The following DLG2 variants were observed in gnomAD, a reference collection of about 807,000 sequenced individuals.
DLG2 encodes discs large MAGUK scaffold protein 2, also known as disks large homolog 2.
DLG2 carries 45 observed loss-of-function variants against 132.5 expected under a neutral mutation model. The ratio of observed to expected loss-of-function variants is 0.34; its 90% confidence interval spans 0.27 to 0.44. DLG2 has a LOEUF of 0.44. Among genes scored for constraint, DLG2 ranks in the 20% least tolerant of loss-of-function variants. The pLI is 1.00. For synonymous variants in DLG2, 424 were observed against 419.6 expected (o/e 1.01, Z -0.13); for missense variants, 1,045 against 1,196.9 (o/e 0.87, Z 1.87).
At chr11:84,866,748 T>C (rs931058062) in intron 6 of DLG2, among the ~76,000 whole-genome samples, 3 of 152,196 alleles carry the variant, frequency 2.0e-5, no homozygotes, top group African/African-American at 7.2e-5. Context: ...TTTATTATAA[T>C]CCTATGCGGT....
chr11:83,858,118 G>A (rs1380849280), intron 16 of DLG2, among the ~76,000 whole-genome samples: 1 of 152,098 alleles, frequency 6.6e-6, no homozygotes, highest in Non-Finnish European at 1.5e-5. Context: ...ATGAAGCTGG[G>A]GCACCCCAAA....
intron 17 of DLG2, chr11:83,790,202 T>G (rs1411586522): frequency 1.1e-6 from 1 of 871,472 alleles, no homozygotes; most frequent in Non-Finnish European, 1.9e-6. Context: ...GACTGAATGC[T>G]CAATTAGATC....
intron 6 of DLG2, among the ~76,000 whole-genome samples, chr11:84,591,353 C>G (rs1156332894): frequency 1.4e-5 from 2 of 142,862 alleles, no homozygotes; most frequent in Non-Finnish European, 3.0e-5. Context: ...TTGTTTGTTT[C>G]CCTCAGCACT....
intron 18 of DLG2, among the ~76,000 whole-genome samples, chr11:83,683,506 T>C (rs1434944957): frequency 3.3e-5 from 5 of 152,214 alleles, no homozygotes; most frequent in Non-Finnish European, 5.9e-5. Flanking sequence ...TGATTTACTA[T>C]GGCCTTTAGT....
intron 3 of DLG2, among the ~76,000 whole-genome samples, chr11:85,514,928 T>C (rs1166935793): frequency 6.6e-6 from 1 of 151,962 alleles, no homozygotes; most frequent in Non-Finnish European, 1.5e-5. Context: ...AAATATACTT[T>C]CGTTGTACAT....
intron 7 of DLG2, among the ~76,000 whole-genome samples, chr11:84,522,894 CAAAAG>C (rs950338099): frequency 2.0e-5 from 3 of 152,288 alleles, no homozygotes; most frequent in African/African-American, 7.2e-5. Flanking sequence ...TCACTAGCCT[CAAAAG>C]AAAGCCATTT....
At chr11:84,821,645 C>CAAAAAAAAAACAAAAA (rs2077702786) in intron 6 of DLG2, among the ~76,000 whole-genome samples, 1 of 103,574 alleles carries the variant, frequency 9.7e-6, no homozygotes, top group South Asian at 3.0e-4. Flanking sequence ...AAAAAAACAA[C>CAAAAAAAAAACAAAAA]AACAACAAAA....
Position 84,556,927 on chromosome 11 carries a change from T to C in DLG2, c.358-22196A>G, listed in dbSNP as rs905491717. 2.8e-4 allele frequency among the ~76,000 whole-genome samples: 43 copies of C among 152,170 alleles called. 2 individuals carry two copies. The highest frequency in any genetic ancestry group is 7.3e-5 in the Non-Finnish European group (5 of 68,034). On this transcript the variant is annotated intron_variant, in intron 6 of 27. Transcript: ENST00000376104. ...AGGAATAATGTAACAAACTTCCTCA[T>C]AACTGCCATCCATCTTTAAAAAGTA...
chr11:83,887,333 A>C (rs1200221369), intron 15 of DLG2, among the ~76,000 whole-genome samples: 1 of 152,066 alleles, frequency 6.6e-6, no homozygotes, highest in Non-Finnish European at 1.5e-5. Context: ...CTACGCAAAT[A>C]AACTAGAAAA....
intron 18 of DLG2, among the ~76,000 whole-genome samples, chr11:83,688,290 G>A (rs1465788761): frequency 2.0e-5 from 3 of 152,096 alleles, no homozygotes; most frequent in Admixed American, 2.0e-4. Context: ...TTCTTGAGTT[G>A]CTTTTGACTT....
At chr11:84,906,381 A>AACACACACACACACACACACACACAC (rs35833007) in intron 6 of DLG2, among the ~76,000 whole-genome samples, 4 of 144,204 alleles carry the variant, frequency 2.8e-5, no homozygotes, top group African/African-American at 5.1e-5. Flanking sequence ...CAGCAAGGCT[A>AACACACACACACACACACACACACAC]ACACACACAC....
chr11:84,682,254 T>C (rs986740762), intron 6 of DLG2, among the ~76,000 whole-genome samples: 2 of 152,196 alleles, frequency 1.3e-5, no homozygotes, highest in Non-Finnish European at 2.9e-5. Flanking sequence ...ACATAGTCAC[T>C]GTCTGGCTAT....
intron 7 of DLG2, among the ~76,000 whole-genome samples, chr11:84,255,310 A>G (rs2097450063): frequency 6.6e-6 from 1 of 152,116 alleles, no homozygotes; most frequent in Non-Finnish European, 1.5e-5. Context: ...CTGCCCTGCC[A>G]TATACACCCT....
intron 3 of DLG2, among the ~76,000 whole-genome samples, chr11:85,294,100 T>C (rs1465724900): frequency 6.6e-6 from 1 of 151,920 alleles, no homozygotes; most frequent in Admixed American, 6.6e-5. Context: ...TAAACTGATA[T>C]GCATATATAT....
At chr11:85,598,037 CTTAA>C (rs2079902110) in intron 3 of DLG2, among the ~76,000 whole-genome samples, 1 of 151,368 alleles carries the variant, frequency 6.6e-6, no homozygotes, top group Admixed American at 6.6e-5. Context: ...AAACCATATC[CTTAA>C]TTTTCTTTAC....
intron 3 of DLG2, among the ~76,000 whole-genome samples, chr11:85,448,665 G>A (rs2092112242): frequency 6.6e-6 from 1 of 152,106 alleles, no homozygotes; most frequent in Non-Finnish European, 1.5e-5. Context: ...GAGATTCTAA[G>A]TCACTTTGAC....
intron 14 of DLG2, among the ~76,000 whole-genome samples, chr11:83,961,192 C>G (rs376704299): frequency 1.3e-5 from 2 of 152,030 alleles, no homozygotes; most frequent in African/African-American, 4.8e-5. Flanking sequence ...TTGAGATAGA[C>G]TCACTTTCTA....
chr11:83,583,343 T>A lies in DLG2; in HGVS notation c.1941-41485A>T, dbSNP rs76614772. ...CCCCTCACACATGCTCATGAACATA[T>A]TACCGAAAGCCTGCAAGCCCGGGCA... On this transcript the variant is annotated intron_variant, in intron 19 of 27. Coordinates refer to ENST00000376104, the MANE Select transcript of DLG2 (RefSeq NM_001142699.3). 6.8e-3 allele frequency among the ~76,000 whole-genome samples: 1,034 copies of A among 152,288 alleles called. 13 individuals carry two copies. The highest frequency in any genetic ancestry group is 0.024 in the African/African-American group (994 of 41,566).
intron 19 of DLG2, among the ~76,000 whole-genome samples, chr11:83,546,633 T>G (rs1002895803): frequency 6.6e-6 from 1 of 152,058 alleles, no homozygotes; most frequent in Non-Finnish European, 1.5e-5. Context: ...AGATACTAAG[T>G]AGCAGAACCA....
Sources: gnomAD v4.1 joint callset for allele counts (sites outside exome capture counted in the v4.1 genomes callset) on GRCh38, gnomAD v4.1.1 for gene constraint, MANE v1.5 for transcripts, NCBI Gene and HGNC (gene_info 2026-07-23, HGNC 2026-07-21) for gene names.